The following MED16 variants were observed in gnomAD, a reference collection of about 807,000 sequenced individuals.
MED16 encodes mediator complex subunit 16.
Under a neutral mutation model 84.4 loss-of-function variants are expected in MED16, and 81 were observed. The ratio of observed to expected loss-of-function variants is 0.96; its 90% CI spans 0.80 to 1.15. The LOEUF (loss-of-function observed/expected upper bound fraction) is 1.15, where lower values mean the gene tolerates loss of function less well. Among genes scored for constraint, MED16 ranks in the 50% most tolerant of loss-of-function variants. MED16 has a pLI of 0.00. For synonymous variants in MED16, 897 were observed against 552.2 expected (o/e 1.62, Z -8.76); for missense variants, 1,585 against 1,245.9 (o/e 1.27, Z -4.10).
chr19:871,626 A>C lies in MED16; in HGVS notation c.2098+300T>G, dbSNP rs769048076. 7 of 1,595,284 alleles carry C rather than the reference A, an allele frequency of 4.4e-6. No individual in the cohort carries two copies. The African/African-American group carries it at 5.4e-5, about 12-fold the overall frequency. On this transcript the variant is annotated intron_variant, in intron 12 of 15. Transcript: ENST00000325464. ...GGTGCCTGGAAGTGGCTGCCATCCC[A>C]AAAGCACCCACACAGAGCATGGACC...
intron 4 of MED16, among the ~76,000 whole-genome samples, 200 bp downstream of exon 4, chr19:889,438 G>A (rs1409941635): frequency 1.3e-5 from 2 of 152,096 alleles, no homozygotes; most frequent in South Asian, 4.1e-4. Context: ...GCAGGTGGGG[G>A]CCAAGTGAAC....
intron 9 of MED16, 112 bp downstream of exon 9, chr19:876,862 G>GGACCACCTGCCACGGGGC (rs2036245111): frequency 5.2e-6 from 5 of 952,870 alleles, no homozygotes; most frequent in South Asian, 2.0e-5. Flanking sequence ...ACCTGGCACG[G>GGACCACCTGCCACGGGGC]GACCACCTGC....
At chr19:879,462 C>G (rs2036359477) in intron 8 of MED16, among the ~76,000 whole-genome samples, 5 of 137,776 alleles carry the variant, frequency 3.6e-5, no homozygotes, top group African/African-American at 1.1e-4. Context: ...CTCGCCTTCC[C>G]CTGGTTGTCA....
At chr19:869,435 T>C (rs1325868346) in intron 13 of MED16, among the ~76,000 whole-genome samples, 1 of 75,776 alleles carries the variant, frequency 1.3e-5, no homozygotes, top group Non-Finnish European at 2.7e-5. Flanking sequence ...GACCTGGGTC[T>C]GGGTGGGGGT....
intron 14 of MED16, 71 bp downstream of exon 14, chr19:868,791 TG>T: frequency 2.0e-6 from 3 of 1,463,842 alleles, no homozygotes; most frequent in Non-Finnish European, 1.8e-6. Context: ...GAGCGCTGGG[TG>T]GGGGCTAGAA....
At chr19:877,950 C>T (rs2036296855) in intron 8 of MED16, among the ~76,000 whole-genome samples, 1 of 111,948 alleles carries the variant, frequency 8.9e-6, no homozygotes, top group Admixed American at 8.8e-5. Flanking sequence ...TGTCAATGCC[C>T]ACCAGCCCCA....
At chr19:875,702 A>G (rs1001204368) in intron 9 of MED16, among the ~76,000 whole-genome samples, 5 of 152,206 alleles carry the variant, frequency 3.3e-5, no homozygotes, top group African/African-American at 4.8e-5. Context: ...ATGTCTGGAG[A>G]TATTTTTAGT....
intron 4 of MED16, among the ~76,000 whole-genome samples, chr19:888,558 G>C (rs576469093): frequency 6.6e-6 from 1 of 151,786 alleles, no homozygotes; most frequent in African/African-American, 2.4e-5. Context: ...AAGGTCTGAG[G>C]TTAGCTATGG....
intron 12 of MED16, chr19:871,481 C>A (rs778387054): frequency 1.4e-6 from 2 of 1,461,260 alleles, no homozygotes; most frequent in Non-Finnish European, 9.2e-7. Context: ...TCATGAGACT[C>A]CCTCATTCAC....
intron 6 of MED16, among the ~76,000 whole-genome samples, chr19:882,052 T>C (rs2036431598): frequency 6.6e-6 from 1 of 152,176 alleles, no homozygotes; most frequent in South Asian, 2.1e-4. Context: ...TCGCTCGGCC[T>C]TAGCCAGCTC....
chr19:892,922 GC>G (rs2036671021), intron 1 of MED16, 163 bp downstream of exon 1: 1 of 70,420 alleles, frequency 1.4e-5, no homozygotes, highest in Admixed American at 1.3e-4. Flanking sequence ...CCCGCGCCCC[GC>G]GCCCCGCGCC....
chr19:887,226 G>T (rs62132322), intron 4 of MED16, among the ~76,000 whole-genome samples: 24,528 of 152,158 alleles, frequency 0.16, 2,633 homozygotes, highest in Non-Finnish European at 0.24. Flanking sequence ...AGGTCCAGAA[G>T]TCCAGGAAGC....
chr19:879,466 GTTGTCAATGC>G (rs1568327023), intron 8 of MED16, among the ~76,000 whole-genome samples: 15 of 131,322 alleles, frequency 1.1e-4, no homozygotes, highest in East Asian at 4.9e-4. Context: ...CCTTCCCCTG[GTTGTCAATGC>G]CCACCAGCCC....
rs563725902 is a variant in MED16 at position 875,592 on chromosome 19, G to A, written c.1561-138C>T. ...CAAGCTGCTTCGCCTCTGCACCTCA[G>A]CAACCTCATGGCAAAACAGGTGCGG... On this transcript the variant is annotated intron_variant, in intron 9 of 15. Transcript: ENST00000325464. The A allele has an allele frequency of 5.3e-4, 347 of 649,346 alleles. 1 individual carries two copies. The African/African-American group carries it at 5.7e-3, about 11-fold the overall frequency. The allele number at this position is 649,346 out of a possible 1,614,324, so 40.2% of individuals were successfully genotyped here. A position where few individuals can be genotyped will look rare whatever the true frequency, so the allele number is the denominator to read the frequency against.
chr19:889,619 A>C lies in MED16; in HGVS notation c.447+19T>G, dbSNP rs760813983. On this transcript the variant is annotated intron_variant, in intron 4 of 15. Transcript: ENST00000325464. Reference sequence around the variant, plus strand: ...GACATCTCATCTGCCTCATCCGCTCACTCGGGCAGGACACTCACCTTCTCC... The same window carrying C: ...GACATCTCATCTGCCTCATCCGCTCCCTCGGGCAGGACACTCACCTTCTCC... 2 of 1,597,300 alleles carry C rather than the reference A, an allele frequency of 1.3e-6. No individual in the cohort carries two copies. Among genetic ancestry groups the C allele is most frequent in the Non-Finnish European group, 1.7e-6 (2 of 1,167,268 alleles).
At chr19:882,396 A>C (rs113348883) in intron 6 of MED16, among the ~76,000 whole-genome samples, 39 of 89,674 alleles carry the variant, frequency 4.3e-4, no homozygotes, top group African/African-American at 1.7e-3. Flanking sequence ...GCACGCCTGC[A>C]CACGCCTGTA....
intron 10 of MED16, among the ~76,000 whole-genome samples, chr19:874,278 T>C (rs1438728847): frequency 6.6e-6 from 1 of 152,064 alleles, no homozygotes; most frequent in Non-Finnish European, 1.5e-5. Flanking sequence ...CACGCCCGGC[T>C]GATTTTTGTA....
chr19:887,256 G>A (rs1297036551), intron 4 of MED16, among the ~76,000 whole-genome samples: 7 of 152,108 alleles, frequency 4.6e-5, no homozygotes, highest in South Asian at 2.1e-4. Context: ...CTGGTGGTGA[G>A]GGGTTGCCAT....
chr19:868,484 G>C lies in MED16; in HGVS notation c.2415C>G (p.Thr805=). The change falls in exon 15 of 16, where the codon ACC becomes ACG. Residue 805 remains threonine (T), a synonymous_variant. Coordinates refer to ENST00000325464, the MANE Select transcript of MED16 (RefSeq NM_005481.3). The part of the protein sequence containing the change: ...CKACTRCGCV[T]MLKSPNRTTA... Reference sequence around the variant, plus strand: ...TGGTTCTGTTGGGCGACTTGAGCATGGTGACACAGCCGCACCTGCGGGGAG... The same window carrying C: ...TGGTTCTGTTGGGCGACTTGAGCATCGTGACACAGCCGCACCTGCGGGGAG... 6.2e-7 allele frequency: 1 copy of C among 1,610,780 alleles called. No homozygotes were observed. Among genetic ancestry groups the C allele is most frequent in the South Asian group, 1.1e-5 (1 of 91,086 alleles).
Sources: allele counts gnomAD v4.1 joint callset (sites outside exome capture counted in the v4.1 genomes callset), GRCh38; gene constraint gnomAD v4.1.1; transcripts MANE v1.5; gene names NCBI Gene and HGNC (gene_info 2026-07-23, HGNC 2026-07-21).